The following IL1RN variants were observed in gnomAD, a reference collection of about 807,000 sequenced individuals.
IL1RN encodes the protein interleukin-1 receptor antagonist protein.
A neutral mutation model predicts 13.7 loss-of-function variants in IL1RN; 10 were observed. The ratio of observed to expected loss-of-function variants is 0.73; its 90% confidence interval spans 0.45 to 1.24. IL1RN has a LOEUF of 1.24. Among genes scored for constraint, IL1RN ranks in the 50% most tolerant of loss-of-function variants. The probability of loss-of-function intolerance (pLI) is 0.00; values close to 1 mark genes in which losing one functional copy is unlikely to be tolerated. For missense variants in IL1RN, 213 were observed against 222.1 expected, an observed-to-expected ratio of 0.96 and a Z score of 0.26; for synonymous variants, 102 against 82.7, an observed-to-expected ratio of 1.23 and a Z score of -1.27.
At chr2:113,108,428 G>T (rs962172980), upstream of IL1RN, among the ~76,000 whole-genome samples, 1 of 143,834 alleles carries the variant, frequency 7.0e-6, no homozygotes, top group African/African-American at 2.7e-5. Flanking sequence ...CCCCACAACA[G>T]TCCCCAGTGT....
intron 1 of IL1RN, among the ~76,000 whole-genome samples, chr2:113,119,857 C>A (rs1165987170): frequency 6.6e-6 from 1 of 152,030 alleles, no homozygotes; most frequent in Non-Finnish European, 1.5e-5. Context: ...TGGGAGGTAT[C>A]AATGTTTGCC....
chr2:113,109,657 C>A (rs1686460619), upstream of IL1RN, among the ~76,000 whole-genome samples: 1 of 151,144 alleles, frequency 6.6e-6, no homozygotes, highest in Non-Finnish European at 1.5e-5. Context: ...TATATCAGAG[C>A]AGAATTTCAC....
chr2:113,111,172 G>C (rs114585614), exon 1 of IL1RN: 343 of 152,294 alleles, frequency 2.3e-3, no homozygotes, highest in African/African-American at 8.0e-3. Context: ...AATTGATCTT[G>C]GCAGCAATTC....
Position 113,119,376 on chromosome 2 carries a change from A to T in IL1RN, c.11-690A>T, listed in dbSNP as rs143892994. Among the ~76,000 whole-genome samples the T allele has an allele frequency of 3.8e-3, 583 of 152,374 alleles. 4 individuals carry two copies. The highest frequency in any genetic ancestry group is 0.013 in the African/African-American group (526 of 41,588). ...TTAGATAATTTGCCCATGGCCAGAC[A>T]GCTAGTATAAGAGGAGGAGGTGGAT... On this transcript the variant is annotated intron_variant, in intron 1 of 5. Coordinates refer to the IL1RN transcript ENST00000259206.
chr2:113,131,217 A>T, intron 3 of IL1RN, 60 bp downstream of exon 3: 3 of 996,032 alleles, frequency 3.0e-6, no homozygotes. Context: ...AACAACCAAA[A>T]TTTTTTCTTA....
chr2:113,131,012 A>G (rs772884283), intron 2 of IL1RN, 33 bp from the exon 3 acceptor site: 3 of 1,351,766 alleles, frequency 2.2e-6, no homozygotes, highest in Non-Finnish European at 3.2e-6. Context: ...TTCCTCTTCT[A>G]TTAACCTGAC....
intron 1 of IL1RN, among the ~76,000 whole-genome samples, chr2:113,129,358 T>A (rs552337710): frequency 6.6e-6 from 1 of 152,302 alleles, no homozygotes; most frequent in African/African-American, 2.4e-5. Flanking sequence ...GAGTCAAATG[T>A]GGGCTCACTG....
upstream of IL1RN, chr2:113,111,056 T>A (rs1341978601): frequency 6.6e-6 from 1 of 152,250 alleles, no homozygotes; most frequent in Non-Finnish European, 1.5e-5. Flanking sequence ...TACACTGCCA[T>A]CTGTTTGACC....
At chr2:113,115,888 G>A (rs930848019), upstream of IL1RN, among the ~76,000 whole-genome samples, 1 of 152,160 alleles carries the variant, frequency 6.6e-6, no homozygotes, top group African/African-American at 2.4e-5. Flanking sequence ...TGTGCTGATT[G>A]ACTTGTAGTC....
upstream of IL1RN, chr2:113,117,756 C>A (rs550612044): frequency 1.7e-6 from 1 of 588,730 alleles, no homozygotes; most frequent in Admixed American, 3.0e-5. Context: ...CCTGAGTCAC[C>A]CTCCTGGAAA....
At chr2:113,110,649 C>T (rs1437702669), upstream of IL1RN, among the ~76,000 whole-genome samples, 1 of 152,202 alleles carries the variant, frequency 6.6e-6, no homozygotes, top group Non-Finnish European at 1.5e-5. Flanking sequence ...CTTAGCTCTG[C>T]ATCCTTAAAA....
chr2:113,122,013 T>A (rs1217243967), intron 2 of IL1RN, among the ~76,000 whole-genome samples: 1 of 152,224 alleles, frequency 6.6e-6, no homozygotes, highest in Non-Finnish European at 1.5e-5. Flanking sequence ...AGCATTATCT[T>A]AGCAAAAATT....
At chr2:113,119,510 C>T (rs773784946) in intron 1 of IL1RN, among the ~76,000 whole-genome samples, 7 of 152,146 alleles carry the variant, frequency 4.6e-5, no homozygotes, top group African/African-American at 7.2e-5. Flanking sequence ...GCAGTTATTC[C>T]GGGGGCAGCA....
At chr2:113,123,606 T>C (rs968348993), upstream of IL1RN, among the ~76,000 whole-genome samples, 3 of 152,186 alleles carry the variant, frequency 2.0e-5, no homozygotes, top group Non-Finnish European at 4.4e-5. Flanking sequence ...AGGGTACAGA[T>C]AACAATCATC....
intron 2 of IL1RN, 109 bp from the exon 3 acceptor site, chr2:113,130,936 G>C (rs932035079): frequency 6.1e-5 from 46 of 757,434 alleles, no homozygotes; most frequent in Admixed American, 5.6e-4. Flanking sequence ...TTCTGACCTC[G>C]GGATTTTAGT....
intron 2 of IL1RN, among the ~76,000 whole-genome samples, chr2:113,130,612 T>C (rs1215822876): frequency 8.3e-6 from 1 of 121,174 alleles, no homozygotes. Flanking sequence ...CTGGGTAGTG[T>C]GCATCCTGGG....
At chr2:113,131,011 T>G in intron 2 of IL1RN, 34 bp from the exon 3 acceptor site, 3 of 1,330,646 alleles carry the variant, frequency 2.3e-6, no homozygotes, top group African/African-American at 1.4e-5. Context: ...CTTCCTCTTC[T>G]ATTAACCTGA....
At chr2:113,100,149 CG>C in the IL1RN span, among the ~76,000 whole-genome samples, 1 of 148,982 alleles carries the variant, frequency 6.7e-6, no homozygotes, top group East Asian at 2.0e-4. Flanking sequence ...GGTGAAACCC[CG>C]TCTCTACTAA....
the IL1RN span, among the ~76,000 whole-genome samples, chr2:113,099,896 G>A: frequency 2.5e-3 from 340 of 136,524 alleles, 3 homozygotes; most frequent in African/African-American, 8.0e-3. Flanking sequence ...CACCACGCCC[G>A]GCTAATTTTT....
Sources: allele counts gnomAD v4.1 joint callset (sites outside exome capture counted in the v4.1 genomes callset), GRCh38; gene constraint gnomAD v4.1.1; transcripts MANE v1.5; gene names NCBI Gene and HGNC (gene_info 2026-07-23, HGNC 2026-07-21).